Variants in PCDH11X observed in about 807,000 individuals in gnomAD.
The protein encoded by PCDH11X is protocadherin-11 X-linked.
Under a neutral mutation model 53.3 loss-of-function variants are expected in PCDH11X, and 18 were observed. That is an observed-to-expected ratio of 0.34 (90% CI 0.23 to 0.50). PCDH11X has a LOEUF of 0.50. Among genes scored for constraint, PCDH11X ranks in the 20% least tolerant of loss-of-function variants. The pLI, the probability that PCDH11X is intolerant of heterozygous loss-of-function variation, is 0.98. For synonymous variants in PCDH11X, 279 were observed against 393.3 expected (o/e 0.71, Z 3.44); for missense variants, 570 against 1,032.4 (o/e 0.55, Z 6.14).
intron 6 of PCDH11X, among the ~76,000 whole-genome samples, chrX:92,009,494 G>C (rs1360959755): frequency 9.0e-6 from 1 of 110,598 alleles, no homozygotes; most frequent in Non-Finnish European, 1.9e-5. Context: ...TTATCATGCT[G>C]TATTACAAAT....
At chrX:92,500,297 C>T (rs868453437) in intron 10 of PCDH11X, among the ~76,000 whole-genome samples, 34 of 111,512 alleles carry the variant, frequency 3.0e-4, no homozygotes, top group Non-Finnish European at 3.4e-4. Context: ...AAATATGACA[C>T]GAAACTATAA....
At chrX:92,381,315 AAGC>A (rs2070869655) in intron 8 of PCDH11X, among the ~76,000 whole-genome samples, 1 of 111,159 alleles carries the variant, frequency 9.0e-6, no homozygotes, top group South Asian at 3.8e-4. Flanking sequence ...ACATATTACA[AAGC>A]AGCAATTGTT....
chrX:92,360,383 T>C (rs369228917), intron 8 of PCDH11X, among the ~76,000 whole-genome samples: 3 of 111,549 alleles, frequency 2.7e-5, no homozygotes, highest in African/African-American at 6.5e-5. Context: ...CACTGGAACA[T>C]TTTAACGCGC....
At chrX:92,536,653 CTTTT>C (rs57786279) in intron 10 of PCDH11X, among the ~76,000 whole-genome samples, 2 of 49,829 alleles carry the variant, frequency 4.0e-5, no homozygotes, top group Middle Eastern at 0.02. Context: ...GGATAAAAGC[CTTTT>C]TTTTTTTTTT....
In PCDH11X at chrX:92,147,854, T is replaced by TCTTTCTCTTTCTTTCTTTC. The variant is rs1467457236; in HGVS notation, c.3034-53521_3034-53520insCTTTCTCTTTCTTTCTTTC. 1.2e-4 allele frequency among the ~76,000 whole-genome samples: 7 copies of TCTTTCTCTTTCTTTCTTTC among 56,608 alleles called. No individual in the cohort carries two copies. The South Asian group carries it at 6.0e-3, about 48-fold the overall frequency. The allele number at this position is 56,608 out of a possible 115,157, so 49.2% of individuals were successfully genotyped here. A position where few individuals can be genotyped will look rare whatever the true frequency, so the allele number is the denominator to read the frequency against. ...TTCTTTCTTTCTTTCTTTCTTTCTT[T>TCTTTCTCTTTCTTTCTTTC]TTTCTTTTCTCTCTTTCCTTTCTTT... is the stretch of plus-strand genomic sequence containing the variant. On this transcript the variant is annotated intron_variant, in intron 6 of 10. Transcript: ENST00000682573.
intron 5 of PCDH11X, among the ~76,000 whole-genome samples, chrX:91,875,753 A>G (rs1208259172): frequency 2.7e-5 from 3 of 110,448 alleles, no homozygotes; most frequent in African/African-American, 9.9e-5. Context: ...ATAACATTGC[A>G]TTGTTAATCT....
intron 9 of PCDH11X, among the ~76,000 whole-genome samples, chrX:92,450,751 A>C (rs1349076151): frequency 9.7e-6 from 1 of 103,351 alleles, no homozygotes; most frequent in African/African-American, 3.5e-5. Context: ...TTATATTAAC[A>C]TTTCATTGGG....
intron 6 of PCDH11X, among the ~76,000 whole-genome samples, chrX:92,014,559 C>T (rs1260053039): frequency 9.1e-6 from 1 of 109,968 alleles, no homozygotes; most frequent in East Asian, 2.9e-4. Flanking sequence ...GGCTACAAAT[C>T]ATGCTGCTAT....
At chrX:91,931,648 AT>A (rs996208835) in intron 6 of PCDH11X, among the ~76,000 whole-genome samples, 2 of 109,911 alleles carry the variant, frequency 1.8e-5, no homozygotes, top group African/African-American at 6.6e-5. Context: ...GAAACACAGT[AT>A]TTTAGATGTG....
intron 1 of PCDH11X, among the ~76,000 whole-genome samples, chrX:91,807,665 T>G (rs1936165722): frequency 9.0e-6 from 1 of 111,519 alleles, no homozygotes; most frequent in Non-Finnish European, 1.9e-5. Flanking sequence ...TTGTTCCTCA[T>G]AAATCATTCT....
chrX:92,008,512 G>T (rs1214119039), intron 6 of PCDH11X, among the ~76,000 whole-genome samples: 2 of 111,066 alleles, frequency 1.8e-5, no homozygotes, highest in Non-Finnish European at 3.8e-5. Flanking sequence ...ATGCCGAGGT[G>T]GGGGAGTGGT....
chrX:92,062,764 C>T (rs2063539970), intron 6 of PCDH11X, among the ~76,000 whole-genome samples: 1 of 111,429 alleles, frequency 9.0e-6, no homozygotes, highest in South Asian at 3.8e-4. Context: ...TAAATTAGTT[C>T]AACCGTTGTG....
intron 8 of PCDH11X, among the ~76,000 whole-genome samples, chrX:92,380,023 G>C (rs954198994): frequency 9.9e-6 from 1 of 100,591 alleles, no homozygotes. Flanking sequence ...GGATAGAAGA[G>C]AGCATAAGAG....
intron 6 of PCDH11X, among the ~76,000 whole-genome samples, chrX:92,065,006 G>C (rs1253061511): frequency 9.5e-6 from 1 of 105,545 alleles, no homozygotes; most frequent in Non-Finnish European, 1.9e-5. Flanking sequence ...GGAGCTGCAG[G>C]ATGGATTCCA....
chrX:91,912,016 A>G (rs1197269541), intron 6 of PCDH11X, among the ~76,000 whole-genome samples: 4 of 111,277 alleles, frequency 3.6e-5, no homozygotes, highest in Non-Finnish European at 5.7e-5. Flanking sequence ...AAATTAATTC[A>G]TTGATATTTA....
At chrX:92,489,850 A>G (rs1269558935) in intron 10 of PCDH11X, among the ~76,000 whole-genome samples, 1 of 103,535 alleles carries the variant, frequency 9.7e-6, no homozygotes, top group African/African-American at 3.5e-5. Flanking sequence ...TTATCACATC[A>G]GCCACTTTAC....
chrX:92,358,516 G>GT (rs1349592643), intron 8 of PCDH11X, among the ~76,000 whole-genome samples: 1 of 53,696 alleles, frequency 1.9e-5, no homozygotes, highest in African/African-American at 7.3e-5. Context: ...TTTCTGGTAA[G>GT]TTTTTTGATT....
Position 92,096,438 on chromosome X carries a change from A to ATGTGTGTGTGTG in PCDH11X, c.3034-104911_3034-104900dup, listed in dbSNP as rs10591250. On this transcript the variant is annotated intron_variant, in intron 6 of 10. Transcript: ENST00000682573. Reference sequence around the variant, plus strand: ...GGGGCCCTAAGTGGAGTGTATGTGTATGTGTGTGTGTGTGTGTGTGTGTGT... The same window carrying ATGTGTGTGTGTG: ...GGGGCCCTAAGTGGAGTGTATGTGTATGTGTGTGTGTGTGTGTGTGTGTGTGTGTGTGTGTGT... Among the ~76,000 whole-genome samples, 7 of 94,405 alleles carry ATGTGTGTGTGTG rather than the reference A, an allele frequency of 7.4e-5. No individual in the cohort carries two copies. In the South Asian group the frequency reaches 2.8e-3, roughly 38 times the overall value. 82.0% of individuals were successfully genotyped at this position (94,405 alleles called of 115,157 possible).
intron 1 of PCDH11X, among the ~76,000 whole-genome samples, chrX:91,799,381 T>A (rs1373489708): frequency 2.7e-5 from 3 of 111,330 alleles, no homozygotes; most frequent in Non-Finnish European, 5.7e-5. Context: ...CAAGAGTGAG[T>A]GTGAGATGAT....
Sources: allele counts gnomAD v4.1 joint callset (sites outside exome capture counted in the v4.1 genomes callset), GRCh38; gene constraint gnomAD v4.1.1; transcripts MANE v1.5; gene names NCBI Gene and HGNC (gene_info 2026-07-23, HGNC 2026-07-21).